The following GADL1 variants were observed in gnomAD, a reference collection of about 807,000 sequenced individuals.
GADL1 encodes the protein acidic amino acid decarboxylase GADL1.
GADL1 carries 71 observed loss-of-function variants against 69.5 expected under a neutral mutation model. The observed-to-expected ratio is 1.02, with a 90% confidence interval of 0.84 to 1.25. The LOEUF is 1.25. Ranked by LOEUF, GADL1 falls within the 50% of genes most tolerant of loss-of-function variation. The probability of loss-of-function intolerance (pLI) is 0.00; values close to 1 mark genes in which losing one functional copy is unlikely to be tolerated. For synonymous variants in GADL1, 254 were observed against 214.4 expected (o/e 1.18, Z -1.62); for missense variants, 737 against 631.8 (o/e 1.17, Z -1.79).
At chr3:30,790,964 T>C (rs184920668) in intron 12 of GADL1, among the ~76,000 whole-genome samples, 227 of 152,052 alleles carry the variant, frequency 1.5e-3, no homozygotes, top group Non-Finnish European at 2.3e-3. Context: ...AGTGAGGTTC[T>C]GAGAAATGGG....
intron 12 of GADL1, among the ~76,000 whole-genome samples, chr3:30,792,893 G>A (rs1489038576): frequency 2.0e-5 from 3 of 152,172 alleles, no homozygotes; most frequent in Non-Finnish European, 4.4e-5. Context: ...GAAGATGGCT[G>A]ACTAAACCAA....
chr3:30,827,421 A>G (rs184933310), intron 11 of GADL1, among the ~76,000 whole-genome samples: 1 of 152,032 alleles, frequency 6.6e-6, no homozygotes, highest in East Asian at 2.0e-4. Context: ...ACAGTCAGCA[A>G]TAGAAGCAAT....
chr3:30,872,555 G>A (rs1698507512), intron 1 of GADL1, among the ~76,000 whole-genome samples: 1 of 151,954 alleles, frequency 6.6e-6, no homozygotes, highest in Admixed American at 6.6e-5. Context: ...TTGTTTACTT[G>A]AGGCCATTTT....
chr3:30,887,682 G>T (rs186879100), intron 1 of GADL1, among the ~76,000 whole-genome samples: 1 of 152,092 alleles, frequency 6.6e-6, no homozygotes, highest in African/African-American at 2.4e-5. Context: ...ATGTTGAACC[G>T]TGAGCACAAA....
At chr3:30,755,486 GAT>G (rs917624043) in intron 14 of GADL1, among the ~76,000 whole-genome samples, 2 of 152,188 alleles carry the variant, frequency 1.3e-5, no homozygotes, top group African/African-American at 4.8e-5. Context: ...TAACCTGAAA[GAT>G]AAGTGAAGAC....
At chr3:30,802,214 C>T (rs75689075) in intron 11 of GADL1, among the ~76,000 whole-genome samples, 564 of 152,198 alleles carry the variant, frequency 3.7e-3, no homozygotes, top group Middle Eastern at 0.017. Context: ...CTGTGCTTTC[C>T]GCATGCAATG....
intron 14 of GADL1, among the ~76,000 whole-genome samples, chr3:30,752,563 C>T (rs192921856): frequency 1.3e-3 from 205 of 152,246 alleles, no homozygotes; most frequent in Admixed American, 2.6e-3. Context: ...ACTCATAAAC[C>T]CAGTCTCGAG....
chr3:30,894,522 T>A, intron 1 of GADL1, 56 bp downstream of exon 1: 2 of 1,458,250 alleles, frequency 1.4e-6, no homozygotes, highest in South Asian at 2.5e-5. Context: ...ATAAGGAGAT[T>A]AAAACCCAGA....
At chr3:30,752,877 A>G (rs1218197479) in intron 14 of GADL1, among the ~76,000 whole-genome samples, 1 of 152,236 alleles carries the variant, frequency 6.6e-6, no homozygotes, top group Admixed American at 6.5e-5. Context: ...AAAAGTGGCT[A>G]GAAGTCAAAT....
At chr3:30,892,999 C>A (rs533796496) in intron 1 of GADL1, among the ~76,000 whole-genome samples, 42 of 152,250 alleles carry the variant, frequency 2.8e-4, no homozygotes, top group Middle Eastern at 3.4e-3. Context: ...GGATTACAGG[C>A]ACCCACCAGC....
intron 13 of GADL1, among the ~76,000 whole-genome samples, chr3:30,784,640 G>T (rs1437023264): frequency 1.3e-5 from 2 of 152,078 alleles, no homozygotes; most frequent in African/African-American, 2.4e-5. Context: ...TTTCACTTTG[G>T]CTACTAAAAA....
At chr3:30,753,255 G>T (rs1159996517) in intron 14 of GADL1, among the ~76,000 whole-genome samples, 1 of 152,012 alleles carries the variant, frequency 6.6e-6, no homozygotes, top group Non-Finnish European at 1.5e-5. Flanking sequence ...TCCAATCTAC[G>T]TTACATGATC....
chr3:30,856,446 T>A (rs1033513957), intron 3 of GADL1, among the ~76,000 whole-genome samples: 13 of 152,102 alleles, frequency 8.5e-5, no homozygotes, highest in African/African-American at 2.7e-4. Flanking sequence ...TGAAATAATC[T>A]CATCAAAAAC....
chr3:30,889,084 TAAAAAAAAAAAAAAAA>T (rs60227313), intron 1 of GADL1, among the ~76,000 whole-genome samples: 9 of 32,916 alleles, frequency 2.7e-4, no homozygotes, highest in Admixed American at 9.2e-4. Flanking sequence ...CGGTAATCTA[TAAAAAAAAAAAAAAAA>T]AAAAAAAAAA....
At chr3:30,772,250 TCTG>T (rs1696434244) in intron 14 of GADL1, among the ~76,000 whole-genome samples, 1 of 152,176 alleles carries the variant, frequency 6.6e-6, no homozygotes, top group Non-Finnish European at 1.5e-5. Flanking sequence ...TAGTCACAAA[TCTG>T]CAGGTCAGCA....
intron 11 of GADL1, among the ~76,000 whole-genome samples, chr3:30,817,713 A>G (rs942126820): frequency 1.3e-5 from 2 of 152,178 alleles, no homozygotes; most frequent in East Asian, 1.9e-4. Context: ...AGTGCTATAA[A>G]TGAATGCACC....
intron 1 of GADL1, among the ~76,000 whole-genome samples, chr3:30,881,283 T>C (rs1431188536): frequency 1.3e-5 from 2 of 151,912 alleles, no homozygotes; most frequent in Non-Finnish European, 2.9e-5. Flanking sequence ...CTAGAACATA[T>C]GCAAGAATAC....
At chr3:30,767,488 TAAA>T in intron 14 of GADL1, among the ~76,000 whole-genome samples, 1 of 152,234 alleles carries the variant, frequency 6.6e-6, no homozygotes, top group South Asian at 2.1e-4. Flanking sequence ...GACCCCATAA[TAAA>T]GTGTTAGGAG....
At chr3:30,750,293 A>G (rs1434166466) in intron 14 of GADL1, among the ~76,000 whole-genome samples, 1 of 152,212 alleles carries the variant, frequency 6.6e-6, no homozygotes, top group African/African-American at 2.4e-5. Context: ...GATTATTGAT[A>G]GTATCCTTTT....
Sources: allele counts gnomAD v4.1 joint callset (sites outside exome capture counted in the v4.1 genomes callset), GRCh38; gene constraint gnomAD v4.1.1; transcripts MANE v1.5; gene names NCBI Gene and HGNC (gene_info 2026-07-23, HGNC 2026-07-21).